ROBO2: variants seen among roughly 807,000 people sequenced by gnomAD.
ROBO2 encodes roundabout homolog 2.
In ROBO2, 53 loss-of-function variants were observed where a neutral mutation model predicts 160.8. The observed-to-expected ratio is 0.33, with a 90% CI of 0.26 to 0.41. The LOEUF (loss-of-function observed/expected upper bound fraction) is 0.41. Ranked by LOEUF, ROBO2 falls within the 10% of genes least tolerant of loss-of-function variation. The pLI is 1.00. For missense variants in ROBO2, 1,577 were observed against 1,722.4 expected, an observed-to-expected ratio of 0.92 and a Z score of 1.49; for synonymous variants, 664 against 611.7, an observed-to-expected ratio of 1.09 and a Z score of -1.26.
At chr3:77,568,050 T>C (rs2093536014) in intron 12 of ROBO2, among the ~76,000 whole-genome samples, 1 of 152,002 alleles carries the variant, frequency 6.6e-6, no homozygotes, top group African/African-American at 2.4e-5. Context: ...TATACAACAG[T>C]GTGTCTGCAT....
At chr3:77,478,960 A>G (rs1380599936) in intron 3 of ROBO2, among the ~76,000 whole-genome samples, 1 of 152,212 alleles carries the variant, frequency 6.6e-6, no homozygotes, top group Non-Finnish European at 1.5e-5. Context: ...GGAAGAGCAT[A>G]CAAATGTATT....
chr3:76,784,975 G>T (rs2108649445), intron 2 of ROBO2, among the ~76,000 whole-genome samples: 1 of 151,110 alleles, frequency 6.6e-6, no homozygotes, highest in Non-Finnish European at 1.5e-5. Context: ...GAATTTTTTG[G>T]ACCACCAAAT....
intron 2 of ROBO2, among the ~76,000 whole-genome samples, chr3:76,643,622 T>C (rs2090816362): frequency 6.6e-6 from 1 of 151,870 alleles, no homozygotes; most frequent in Admixed American, 6.6e-5. Context: ...GTTTGTGTTA[T>C]TATTTTGTGC....
intron 2 of ROBO2, among the ~76,000 whole-genome samples, chr3:76,992,325 C>CTATATATA (rs10530833): frequency 8.3e-4 from 39 of 46,868 alleles, no homozygotes; most frequent in South Asian, 4.0e-3. Context: ...CCATGTATTA[C>CTATATATA]TATATATATA....
chr3:76,839,867 T>C (rs1167297023), intron 2 of ROBO2, among the ~76,000 whole-genome samples: 4 of 152,192 alleles, frequency 2.6e-5, no homozygotes, highest in Non-Finnish European at 5.9e-5. Flanking sequence ...GTATTTAGGT[T>C]TTTTATTTCT....
intron 4 of ROBO2, among the ~76,000 whole-genome samples, chr3:77,486,504 C>A (rs1391313018): frequency 6.7e-6 from 1 of 150,322 alleles, no homozygotes; most frequent in Non-Finnish European, 1.5e-5. Flanking sequence ...ATTTGCATTT[C>A]TCTAATAATC....
intron 2 of ROBO2, among the ~76,000 whole-genome samples, chr3:76,448,117 A>T (rs1256214796): frequency 6.6e-6 from 1 of 152,022 alleles, no homozygotes; most frequent in Non-Finnish European, 1.5e-5. Context: ...ACAAACAAAA[A>T]TATTCTCCTT....
At chr3:77,617,636 T>G in exon 22 of ROBO2, 1 of 1,614,168 alleles carries the variant, frequency 6.2e-7, no homozygotes. Context: ...GCGTGGCTTC[T>G]TCTCCTGCTA....
chr3:76,602,809 G>A (rs907189267), intron 2 of ROBO2, among the ~76,000 whole-genome samples: 1 of 152,058 alleles, frequency 6.6e-6, no homozygotes, highest in African/African-American at 2.4e-5. Context: ...TGACAGGTGG[G>A]AGTTACAATT....
At chr3:76,668,686 A>T (rs1324608076) in intron 2 of ROBO2, among the ~76,000 whole-genome samples, 3 of 151,958 alleles carry the variant, frequency 2.0e-5, no homozygotes, top group African/African-American at 7.3e-5. Flanking sequence ...CACAATTAGG[A>T]TGTGTTTTGC....
At chr3:76,045,445 A>G (rs913357512) in intron 2 of ROBO2, among the ~76,000 whole-genome samples, 1 of 152,052 alleles carries the variant, frequency 6.6e-6, no homozygotes, top group Non-Finnish European at 1.5e-5. Flanking sequence ...CCAGATCTGA[A>G]ACACTAAAAG....
intron 2 of ROBO2, among the ~76,000 whole-genome samples, chr3:76,810,560 G>T (rs2065082072): frequency 6.6e-6 from 1 of 152,048 alleles, no homozygotes; most frequent in African/African-American, 2.4e-5. Flanking sequence ...AAGAGAGGAA[G>T]ACACCAGCTA....
At chr3:76,835,307 C>T (rs902382379) in intron 2 of ROBO2, among the ~76,000 whole-genome samples, 34 of 150,202 alleles carry the variant, frequency 2.3e-4, no homozygotes, top group Non-Finnish European at 4.1e-4. Flanking sequence ...ATGACACATA[C>T]AATGTGTTAT....
intron 2 of ROBO2, among the ~76,000 whole-genome samples, chr3:77,137,505 C>T (rs1269021844): frequency 1.3e-5 from 2 of 152,214 alleles, no homozygotes; most frequent in African/African-American, 2.4e-5. Flanking sequence ...GGATTACAGG[C>T]GTGAGCCAGG....
intron 2 of ROBO2, among the ~76,000 whole-genome samples, chr3:76,689,876 T>C (rs959996573): frequency 5.9e-5 from 9 of 152,204 alleles, no homozygotes; most frequent in Admixed American, 1.3e-4. Context: ...CTGACCTTTC[T>C]TTACTCTTTG....
intron 5 of ROBO2, among the ~76,000 whole-genome samples, chr3:77,494,927 T>G (rs1226920757): frequency 1.3e-5 from 2 of 152,194 alleles, no homozygotes; most frequent in Non-Finnish European, 2.9e-5. Context: ...GGGAAAGTCA[T>G]CATTGTGTTT....
chr3:76,610,467 C>T (rs9847265), intron 2 of ROBO2, among the ~76,000 whole-genome samples: 4,882 of 152,268 alleles, frequency 0.032, 210 homozygotes, highest in African/African-American at 0.1. Context: ...GAGGGGAACG[C>T]AGTGGCACCC....
chr3:76,992,077 C>T (rs76405814), intron 2 of ROBO2, among the ~76,000 whole-genome samples: 159 of 151,952 alleles, frequency 1.0e-3, no homozygotes, highest in African/African-American at 3.6e-3. Flanking sequence ...AGAACATAGA[C>T]CTTGTTCCAA....
chr3:76,222,684 C>T (rs1704046216), intron 2 of ROBO2, among the ~76,000 whole-genome samples: 1 of 152,072 alleles, frequency 6.6e-6, no homozygotes, highest in Non-Finnish European at 1.5e-5. Flanking sequence ...CCGGCTCATA[C>T]CAGACTACTA....
Sources: gnomAD v4.1 joint callset for allele counts (sites outside exome capture counted in the v4.1 genomes callset) on GRCh38, gnomAD v4.1.1 for gene constraint, MANE v1.5 for transcripts, NCBI Gene and HGNC (gene_info 2026-07-23, HGNC 2026-07-21) for gene names.